The following ROR2 variants were observed in gnomAD, a reference collection of about 807,000 sequenced individuals.
The protein encoded by ROR2 is ROR family WNT receptor 2.
In ROR2, 33 loss-of-function variants were observed where a neutral mutation model predicts 74.9. That is an observed-to-expected ratio of 0.44 (90% CI 0.33 to 0.59). ROR2 has a LOEUF of 0.59. Ranked by LOEUF, ROR2 falls within the 20% of genes least tolerant of loss-of-function variation. The probability of loss-of-function intolerance (pLI) is 0.02; values close to 1 mark genes in which losing one functional copy is unlikely to be tolerated. For missense variants in ROR2, 1,216 were observed against 1,313.8 expected (o/e 0.93, Z 1.15); for synonymous variants, 586 against 558.7 (o/e 1.05, Z -0.69).
At chr9:91,827,146 ATT>A (rs1207351460) in intron 1 of ROR2, among the ~76,000 whole-genome samples, 1 of 152,128 alleles carries the variant, frequency 6.6e-6, no homozygotes, top group African/African-American at 2.4e-5. Context: ...TATTAATAAT[ATT>A]TTGTTATATT....
intron 1 of ROR2, among the ~76,000 whole-genome samples, chr9:91,869,860 GA>G (rs986929810): frequency 1.6e-4 from 24 of 150,874 alleles, no homozygotes; most frequent in African/African-American, 2.7e-4. Flanking sequence ...TTTTTAAGAA[GA>G]AAAAAAAATA....
At chr9:91,884,466 G>A (rs117878607) in intron 1 of ROR2, among the ~76,000 whole-genome samples, 5,814 of 128,498 alleles carry the variant, frequency 0.045, 164 homozygotes, top group Non-Finnish European at 0.056. Context: ...ACTTACCTTT[G>A]ATTACCTTTA....
Position 91,826,767 on chromosome 9 carries a change from G to A in ROR2, c.98-50949C>T, listed in dbSNP as rs1433889186. ...CCACTGCACTCCAGCCTGGGCAACA[G>A]AGAGAGACTCCGTCTCAAAAAAAAA... On this transcript the variant is annotated intron_variant, in intron 1 of 8. Transcript: ENST00000375708. Among the ~76,000 whole-genome samples, 4 of 145,914 alleles carry A rather than the reference G, an allele frequency of 2.7e-5. No individual in the cohort carries two copies. In the East Asian group the frequency reaches 8.1e-4, roughly 30 times the overall value.
intron 1 of ROR2, among the ~76,000 whole-genome samples, chr9:91,902,595 A>G (rs1214814331): frequency 6.6e-6 from 1 of 152,050 alleles, no homozygotes; most frequent in Non-Finnish European, 1.5e-5. Context: ...CCCACCCCCA[A>G]CAGACACCAT....
chr9:91,941,153 G>C (rs950053188), intron 1 of ROR2, among the ~76,000 whole-genome samples: 1 of 151,344 alleles, frequency 6.6e-6, no homozygotes, highest in Non-Finnish European at 1.5e-5. Context: ...GCCCACCACC[G>C]TGCCCAGCTA....
intron 1 of ROR2, among the ~76,000 whole-genome samples, chr9:91,798,132 G>A (rs1390503632): frequency 3.8e-5 from 1 of 26,108 alleles, no homozygotes; most frequent in Non-Finnish European, 6.9e-5. Flanking sequence ...GGTGGGGAAT[G>A]ACACACTGGG....
At chr9:91,745,406 T>C (rs1451818027) in intron 4 of ROR2, among the ~76,000 whole-genome samples, 1 of 148,338 alleles carries the variant, frequency 6.7e-6, no homozygotes, top group Non-Finnish European at 1.5e-5. Flanking sequence ...ATTACAGGCA[T>C]GAGCCACCAT....
intron 1 of ROR2, among the ~76,000 whole-genome samples, chr9:91,889,902 G>A (rs1362779047): frequency 6.6e-6 from 1 of 152,150 alleles, no homozygotes; most frequent in African/African-American, 2.4e-5. Flanking sequence ...TCCTGGCTTC[G>A]GCCCATAAGA....
intron 1 of ROR2, among the ~76,000 whole-genome samples, chr9:91,847,765 T>A (rs1401961338): frequency 6.6e-6 from 1 of 152,040 alleles, no homozygotes; most frequent in Non-Finnish European, 1.5e-5. Context: ...CAGGAAGACA[T>A]CCTTCACGTC....
intron 1 of ROR2, among the ~76,000 whole-genome samples, chr9:91,930,418 C>T (rs184081145): frequency 6.6e-6 from 1 of 152,348 alleles, no homozygotes; most frequent in East Asian, 1.9e-4. Flanking sequence ...TGTGGTCCGA[C>T]TGCAGCCAAT....
chr9:91,889,379 A>G (rs939745820), intron 1 of ROR2, among the ~76,000 whole-genome samples: 1 of 152,156 alleles, frequency 6.6e-6, no homozygotes, highest in Non-Finnish European at 1.5e-5. Flanking sequence ...TCAAATCTAT[A>G]CCATGAAGGC....
At chr9:91,772,654 G>A (rs1038727572) in intron 2 of ROR2, among the ~76,000 whole-genome samples, 8 of 152,152 alleles carry the variant, frequency 5.3e-5, no homozygotes, top group Admixed American at 2.6e-4. Context: ...CACCTTTAGC[G>A]TCCGTGTTTC....
chr9:91,739,873 T>A lies in ROR2; in HGVS notation c.495-2355A>T, dbSNP rs114640840. On this transcript the variant is annotated intron_variant, in intron 4 of 8. Transcript: ENST00000375708. ...ACACTGGCCACACTACCAACATAAATGGAAGTCACCTCTGCCTGGGTATGT... is the reference window on the plus strand; with the variant it reads ...ACACTGGCCACACTACCAACATAAAAGGAAGTCACCTCTGCCTGGGTATGT... Among the ~76,000 whole-genome samples, 802 of 152,318 alleles carry A rather than the reference T, an allele frequency of 5.3e-3. 11 individuals carry two copies. Among genetic ancestry groups the A allele is most frequent in the African/African-American group, 0.019 (777 of 41,572 alleles).
chr9:91,744,593 T>C (rs1320647920), intron 4 of ROR2, among the ~76,000 whole-genome samples: 2 of 152,174 alleles, frequency 1.3e-5, no homozygotes, highest in East Asian at 3.9e-4. Flanking sequence ...ACTCTCTGCT[T>C]CCAAAATGAA....
chr9:91,778,315 C>T (rs1826489321), intron 1 of ROR2, among the ~76,000 whole-genome samples: 1 of 152,232 alleles, frequency 6.6e-6, no homozygotes, highest in Non-Finnish European at 1.5e-5. Context: ...GTGACAACCT[C>T]ACAACACCAC....
chr9:91,787,796 C>A (rs1259401939), intron 1 of ROR2, among the ~76,000 whole-genome samples: 1 of 150,126 alleles, frequency 6.7e-6, no homozygotes, highest in African/African-American at 2.5e-5. Flanking sequence ...GTCACATGCA[C>A]AGAATGGGGG....
chr9:91,942,040 C>T (rs903567202), intron 1 of ROR2, among the ~76,000 whole-genome samples: 2 of 152,178 alleles, frequency 1.3e-5, no homozygotes, highest in Admixed American at 6.5e-5. Flanking sequence ...CCGCTGGCCT[C>T]AGCCTCCCAA....
intron 1 of ROR2, among the ~76,000 whole-genome samples, chr9:91,939,859 G>A (rs980191098): frequency 1.3e-5 from 2 of 152,146 alleles, no homozygotes; most frequent in Admixed American, 6.5e-5. Flanking sequence ...GTGGTAACAA[G>A]AGCACCCACC....
At chr9:91,872,351 G>C (rs1829821864) in intron 1 of ROR2, among the ~76,000 whole-genome samples, 2 of 152,156 alleles carry the variant, frequency 1.3e-5, no homozygotes, top group African/African-American at 4.8e-5. Flanking sequence ...TTTTAACTGT[G>C]AATGATGCAC....
Sources: allele counts gnomAD v4.1 joint callset (sites outside exome capture counted in the v4.1 genomes callset), GRCh38; gene constraint gnomAD v4.1.1; transcripts MANE v1.5; gene names NCBI Gene and HGNC (gene_info 2026-07-23, HGNC 2026-07-21).